The following MAGI2 variants were observed in gnomAD, a reference collection of about 807,000 sequenced individuals.
MAGI2 encodes membrane associated guanylate kinase, WW and PDZ domain containing 2.
Under a neutral mutation model 133.3 loss-of-function variants are expected in MAGI2, and 35 were observed. That is an observed-to-expected ratio of 0.26 (90% CI 0.20 to 0.35). The LOEUF is 0.35. Among genes scored for constraint, MAGI2 ranks in the 10% least tolerant of loss-of-function variants. The pLI, the probability that MAGI2 is intolerant of heterozygous loss-of-function variation, is 1.00. For synonymous variants in MAGI2, 729 were observed against 710.6 expected (o/e 1.03, Z -0.41); for missense variants, 1,636 against 1,863.4 (o/e 0.88, Z 2.25).
At chr7:79,187,835 A>T (rs540708868) in intron 1 of MAGI2, among the ~76,000 whole-genome samples, 25 of 151,934 alleles carry the variant, frequency 1.6e-4, no homozygotes, top group Admixed American at 5.9e-4. Context: ...TGGGATTGCC[A>T]CTCCAATGGA....
At chr7:79,037,375 G>A (rs1811225753) in intron 1 of MAGI2, among the ~76,000 whole-genome samples, 1 of 152,018 alleles carries the variant, frequency 6.6e-6, no homozygotes, top group Non-Finnish European at 1.5e-5. Context: ...GTTGCTTTAA[G>A]GAAAGGATCT....
rs182484462 is a variant in MAGI2, at chr7:79,081,690, T to C, written c.302-74484A>G. Among the ~76,000 whole-genome samples, 153 of 152,246 alleles carry C rather than the reference T, an allele frequency of 1.0e-3. 2 individuals carry two copies. The highest frequency in any genetic ancestry group is 3.5e-3 in the African/African-American group (145 of 41,564). ...AACAAATATTCTCAAAATAGTCGTTTAGGGTGCTGTTTCTTCCTCTCCTGT... is the reference window on the plus strand; with the variant it reads ...AACAAATATTCTCAAAATAGTCGTTCAGGGTGCTGTTTCTTCCTCTCCTGT... On this transcript the variant is annotated intron_variant, in intron 1 of 21. Coordinates refer to ENST00000354212, the MANE Select transcript of MAGI2 (RefSeq NM_012301.4).
At position 78,078,932 on chromosome 7, in the gene MAGI2, A is replaced by C; in HGVS notation, c.3706+15T>G. The C allele has an allele frequency of 6.2e-7, 1 of 1,612,460 alleles. No homozygotes were observed. The highest frequency in any genetic ancestry group is 8.5e-7 in the Non-Finnish European group (1 of 1,179,732). On this transcript the variant is annotated intron_variant, in intron 21 of 21. Transcript: ENST00000354212. ...GAAGGAAGAGCAAAAGGGTGAATTA[A>C]AACGTGAAACGTACCATATTCTGGG...
intron 10 of MAGI2, among the ~76,000 whole-genome samples, chr7:78,241,933 CAA>C (rs57321733): frequency 3.1e-5 from 4 of 130,482 alleles, no homozygotes; most frequent in South Asian, 2.5e-4. Context: ...GAACCCGTCT[CAA>C]AAAAAAAAAA....
At chr7:78,801,544 C>A (rs181376740) in intron 2 of MAGI2, among the ~76,000 whole-genome samples, 2 of 152,080 alleles carry the variant, frequency 1.3e-5, no homozygotes, top group Non-Finnish European at 2.9e-5. Context: ...GGAGTGTTAC[C>A]TCTGCAAACC....
At chr7:78,501,486 T>TC in intron 5 of MAGI2, 91 bp downstream of exon 5, 2 of 877,354 alleles carry the variant, frequency 2.3e-6, no homozygotes, top group South Asian at 2.0e-5. Flanking sequence ...GTTTTTTTCT[T>TC]TTTTTTTTTT....
intron 13 of MAGI2, among the ~76,000 whole-genome samples, chr7:78,183,136 G>A (rs997973859): frequency 1.3e-5 from 2 of 152,036 alleles, no homozygotes; most frequent in Admixed American, 1.3e-4. Flanking sequence ...TGCAGGTAAA[G>A]TTAATAATAT....
Position 78,256,252 on chromosome 7 carries a change from C to A in MAGI2, c.1738G>T (p.Gly580Cys). 1 of 1,613,998 alleles carries A rather than the reference C, an allele frequency of 6.2e-7. No homozygotes were observed. The highest frequency in any genetic ancestry group is 1.1e-5 in the South Asian group (1 of 91,070). The change falls in exon 10 of 22, where the codon GGC becomes TGC. Residue 580 changes from glycine to cysteine, a missense_variant. Gly to Cys is a radical substitution (Grantham distance 159). This residue lies in a region of MAGI2 where 920 missense variants were observed against 1,093.5 expected (regional missense o/e 0.84). Transcript: ENST00000354212. ...TCATGGACGGGCGGTGGATACGTGC[C>A]GTCTAGCTGACCATCAGTTGGCATG... Reference protein sequence around the residue: ...HSMPTDGQLDGTYPPPVHDDN... With the variant: ...HSMPTDGQLDCTYPPPVHDDN...
At chr7:78,253,874 G>A (rs1792688921) in intron 10 of MAGI2, 1 of 152,150 alleles carries the variant, frequency 6.6e-6, no homozygotes, top group South Asian at 2.1e-4. Flanking sequence ...TCTCAAAGAG[G>A]TCATAGGCAC....
At chr7:79,109,212 G>C (rs1275799826) in intron 1 of MAGI2, among the ~76,000 whole-genome samples, 2 of 152,176 alleles carry the variant, frequency 1.3e-5, no homozygotes, top group Non-Finnish European at 2.9e-5. Context: ...AGGTTGGAAG[G>C]GTTTGGAGGG....
chr7:78,098,007 T>G (rs1817868571), intron 20 of MAGI2, among the ~76,000 whole-genome samples: 1 of 152,150 alleles, frequency 6.6e-6, no homozygotes, highest in Non-Finnish European at 1.5e-5. Context: ...TTATTAAAAT[T>G]ATGTAATATT....
chr7:78,723,308 C>CA (rs776405461), intron 2 of MAGI2, among the ~76,000 whole-genome samples: 4 of 152,160 alleles, frequency 2.6e-5, no homozygotes, highest in Non-Finnish European at 5.9e-5. Flanking sequence ...CATTTTCTTT[C>CA]AATCAACCAT....
rs1173209610 is a variant in MAGI2, at chr7:79,266,064, C to T, written c.301+186956G>A. On this transcript the variant is annotated intron_variant, in intron 1 of 21. Coordinates refer to ENST00000354212, the MANE Select transcript of MAGI2 (RefSeq NM_012301.4). ...TATTAACACCAAAATCTCTAACCCC[C>T]TCTCTCACTACTTCATGCAGTTACA... Among the ~76,000 whole-genome samples the T allele has an allele frequency of 2.6e-5, 4 of 152,180 alleles. No homozygotes were observed. In the South Asian group the frequency reaches 8.3e-4, roughly 32 times the overall value.
At chr7:78,450,689 C>A (rs1411760800) in intron 6 of MAGI2, among the ~76,000 whole-genome samples, 1 of 151,942 alleles carries the variant, frequency 6.6e-6, no homozygotes, top group Non-Finnish European at 1.5e-5. Flanking sequence ...CTTTTGTTGG[C>A]ACAGATAGCA....
In MAGI2 at chr7:79,196,052, A is replaced by G. The variant is rs184527813; in HGVS notation, c.302-188846T>C. Among the ~76,000 whole-genome samples, 132 of 152,078 alleles carry G rather than the reference A, an allele frequency of 8.7e-4. 2 individuals are homozygous for G. Among genetic ancestry groups the G allele is most frequent in the Admixed American group, 7.4e-3 (113 of 15,280 alleles). Reference sequence around the variant, plus strand: ...ACATGGTGAATGTAGTTAATTTATTATACTCTTGAAAAATGAAAAAGAGTG... The same window carrying G: ...ACATGGTGAATGTAGTTAATTTATTGTACTCTTGAAAAATGAAAAAGAGTG... On this transcript the variant is annotated intron_variant, in intron 1 of 21. Coordinates refer to ENST00000354212, the MANE Select transcript of MAGI2 (RefSeq NM_012301.4).
chr7:78,882,665 C>A (rs752973895), intron 2 of MAGI2, among the ~76,000 whole-genome samples: 1 of 152,090 alleles, frequency 6.6e-6, no homozygotes, highest in Non-Finnish European at 1.5e-5. Flanking sequence ...TCACCATGAT[C>A]AAGTAGGCTT....
At chr7:78,405,789 CT>C (rs1350400158) in intron 6 of MAGI2, among the ~76,000 whole-genome samples, 1 of 151,912 alleles carries the variant, frequency 6.6e-6, no homozygotes, top group Non-Finnish European at 1.5e-5. Context: ...TACACATGGA[CT>C]TTTTTGCATT....
chr7:78,168,402 G>A (rs903643290), intron 14 of MAGI2, among the ~76,000 whole-genome samples: 1 of 152,172 alleles, frequency 6.6e-6, no homozygotes, highest in African/African-American at 2.4e-5. Flanking sequence ...CTTTTAAGTT[G>A]TTTAGTGCTA....
chr7:78,782,893 TG>T (rs959816882), intron 2 of MAGI2, among the ~76,000 whole-genome samples: 1 of 152,156 alleles, frequency 6.6e-6, no homozygotes, highest in African/African-American at 2.4e-5. Context: ...AGACTTCTTT[TG>T]GGAACTTTAA....
Sources: gnomAD v4.1 joint callset for allele counts (sites outside exome capture counted in the v4.1 genomes callset) on GRCh38, gnomAD v4.1.1 for gene constraint, gnomAD v4.1.1 regional missense constraint, MANE v1.5 for transcripts, NCBI Gene and HGNC (gene_info 2026-07-23, HGNC 2026-07-21) for gene names.